CASZ1: variants seen among roughly 807,000 people sequenced by gnomAD.
CASZ1 encodes castor zinc finger 1, also known as zinc finger protein castor homolog 1.
A neutral mutation model predicts 135.2 loss-of-function variants in CASZ1; 28 were observed. That is an observed-to-expected ratio of 0.21 (90% CI 0.15 to 0.28). The LOEUF (loss-of-function observed/expected upper bound fraction) is 0.28, where lower values mean the gene tolerates loss of function less well. CASZ1 is among the 10% of genes least tolerant of loss of function. The probability of loss-of-function intolerance (pLI) is 1.00; values close to 1 mark genes in which losing one functional copy is unlikely to be tolerated. For synonymous variants in CASZ1, 1,068 were observed against 1,073.4 expected (o/e 0.99, Z 0.10); for missense variants, 2,161 against 2,453.3 (o/e 0.88, Z 2.52).
In CASZ1 at chr1:10,777,160, G is replaced by T. The variant is rs1036747402; in HGVS notation, c.-233-16303C>A. ...CACCTGTAAACCAGGACAATAACCT[G>T]TGAGCTGCCTTCTTCACAGGAAGGG... On this transcript the variant is annotated intron_variant, in intron 1 of 20. Transcript: ENST00000377022. This position sits in a 1 kb window ranked among gnomAD's most constrained non-coding sequence, Gnocchi z 4.4. 2.0e-5 allele frequency among the ~76,000 whole-genome samples: 3 copies of T among 152,166 alleles called. No homozygotes were observed. The highest frequency in any genetic ancestry group is 2.9e-5 in the Non-Finnish European group (2 of 68,032).
Position 10,647,734 on chromosome 1 carries a change from C to G in CASZ1, c.3497+67G>C. The G allele has an allele frequency of 6.2e-7, 1 of 1,602,728 alleles. No individual in the cohort carries two copies. Among genetic ancestry groups the G allele is most frequent in the South Asian group, 1.1e-5 (1 of 90,408 alleles). On this transcript the variant is annotated intron_variant, in intron 16 of 20. Transcript: ENST00000377022. This position sits in a 1 kb window ranked among gnomAD's most constrained non-coding sequence, Gnocchi z 4.9. ...CAGTGAGGAACAGGGCCTCCTAGCG[C>G]CCTTGCTAGCACCTACTCCCGAGAC...
At chr1:10,691,391 A>T (rs1482888801) in intron 4 of CASZ1, among the ~76,000 whole-genome samples, 1 of 152,084 alleles carries the variant, frequency 6.6e-6, no homozygotes, top group Non-Finnish European at 1.5e-5. Flanking sequence ...TCCCCTCCTG[A>T]GAAGGCTTGG....
chr1:10,656,870 G>C, intron 7 of CASZ1, 134 bp from the exon 8 acceptor site: 1 of 641,298 alleles, frequency 1.6e-6, no homozygotes, highest in Non-Finnish European at 2.8e-6. Flanking sequence ...CAGAGGCCCA[G>C]GCAAGTGACT....
chr1:10,793,600 T>A (rs2100639653), intron 1 of CASZ1, among the ~76,000 whole-genome samples: 1 of 152,100 alleles, frequency 6.6e-6, no homozygotes, highest in South Asian at 2.1e-4. Flanking sequence ...AATAAATAAC[T>A]AGTCTAATAA....
Position 10,643,210 on chromosome 1 carries a change from G to T in CASZ1, c.3970C>A (p.His1324Asn). The stretch of plus-strand genomic sequence containing the variant: ...TTCTTCCCCAGCATCCTCCGCATGT[G>T]CTTCCGCGCGTGGGAGGTCATCTGG... ...KHQMTSHARK[H>N]MRRMLGKNFD... is the part of the protein sequence containing the mutation. The change falls in exon 19 of 21, where the codon CAC (histidine) becomes AAC (asparagine). Residue 1324 changes from histidine (H) to asparagine (N), a missense_variant. This residue lies in a region of CASZ1 where 349 missense variants were observed against 460.8 expected (regional missense o/e 0.76). Transcript: ENST00000377022. The T allele has an allele frequency of 6.2e-7, 1 of 1,612,698 alleles. No individual in the cohort carries two copies. The highest frequency in any genetic ancestry group is 8.5e-7 in the Non-Finnish European group (1 of 1,180,008).
intron 10 of CASZ1, 74 bp from the exon 11 acceptor site, chr1:10,654,292 G>T (rs938871123): frequency 1.9e-6 from 3 of 1,584,492 alleles, no homozygotes; most frequent in Admixed American, 1.7e-5. Flanking sequence ...CCCTGGGAGG[G>T]ACAGTCCCCC....
At chr1:10,649,641 G>A (rs761454678) in intron 13 of CASZ1, 132 of 593,400 alleles carry the variant, frequency 2.2e-4, no homozygotes, top group Non-Finnish European at 3.2e-4. Context: ...GACCCCAGGA[G>A]CTGCGAGGCC....
At chr1:10,645,112 A>G in intron 17 of CASZ1, 24 bp from the exon 18 acceptor site, 1 of 1,606,152 alleles carries the variant, frequency 6.2e-7, no homozygotes, top group Non-Finnish European at 8.5e-7. Flanking sequence ...CGGGAGGGTC[A>G]GGACAGGCGG....
intron 2 of CASZ1, among the ~76,000 whole-genome samples, chr1:10,714,982 C>A (rs1037340685): frequency 2.0e-5 from 3 of 152,234 alleles, no homozygotes; most frequent in Non-Finnish European, 4.4e-5. Context: ...CCACCTGCCG[C>A]CGCTCAGCCG....
intron 2 of CASZ1, among the ~76,000 whole-genome samples, chr1:10,740,321 T>A (rs534278850): frequency 6.6e-6 from 1 of 152,320 alleles, no homozygotes; most frequent in Non-Finnish European, 1.5e-5. Context: ...GTGAGGAACC[T>A]GAAGCCAGCA....
chr1:10,669,003 G>T (rs1056361092), intron 4 of CASZ1, among the ~76,000 whole-genome samples: 2 of 152,202 alleles, frequency 1.3e-5, no homozygotes, highest in Non-Finnish European at 2.9e-5. Context: ...GGATTCCTAG[G>T]TTCGGGACCT....
At position 10,653,227 on chromosome 1, in the gene CASZ1, C is replaced by G. The variant is rs550271550; in HGVS notation, c.2680+150G>C. 9 of 849,576 alleles carry G rather than the reference C, an allele frequency of 1.1e-5. 1 individual carries two copies. The South Asian group carries it at 1.4e-4, about 13-fold the overall frequency. The allele number at this position is 849,576 out of a possible 1,614,324, so 52.6% of individuals were successfully genotyped here. On this transcript the variant is annotated intron_variant, in intron 11 of 20. Transcript: ENST00000377022. ...CACATAGAAACCAACAGGATGGGGGCGAAGATCAGGCAAAGAGGGGGTGCT... is the reference window on the plus strand; with the variant it reads ...CACATAGAAACCAACAGGATGGGGGGGAAGATCAGGCAAAGAGGGGGTGCT...
intron 4 of CASZ1, among the ~76,000 whole-genome samples, chr1:10,678,313 G>A (rs1638301077): frequency 6.6e-6 from 1 of 152,080 alleles, no homozygotes; most frequent in African/African-American, 2.4e-5. Context: ...TGGAGGGCTT[G>A]AGCAGTTGTC....
rs118019041 is a variant in CASZ1, at chr1:10,788,271, C to T, written c.-234+8293G>A. The stretch of plus-strand genomic sequence containing the variant: ...CACAGAGCAACCTGAGTGCTAGCCC[C>T]GATCCACCTATGGGGTCCCCTGGGT... On this transcript the variant is annotated intron_variant, in intron 1 of 20. Transcript: ENST00000377022. This position sits in a 1 kb window ranked among gnomAD's most constrained non-coding sequence, Gnocchi z 4.1. Among the ~76,000 whole-genome samples, 18 of 152,220 alleles carry T rather than the reference C, an allele frequency of 1.2e-4. 1 individual carries two copies. In the East Asian group the frequency reaches 3.1e-3, roughly 26 times the overall value.
At position 10,646,107 on chromosome 1, in the gene CASZ1, G is replaced by A. The variant is rs766581370; in HGVS notation, c.3696+21C>T. On this transcript the variant is annotated intron_variant, in intron 17 of 20. Coordinates refer to ENST00000377022, the MANE Select transcript of CASZ1 (RefSeq NM_001079843.3). This position sits in a 1 kb window ranked among gnomAD's most constrained non-coding sequence, Gnocchi z 6.4. Reference sequence around the variant, plus strand: ...TCCCTGCCCCCTACTCTGCCCCTGCGCCGTGTACCGCCATGCTGACCTGGT... The same window carrying A: ...TCCCTGCCCCCTACTCTGCCCCTGCACCGTGTACCGCCATGCTGACCTGGT... 1.2e-5 allele frequency: 19 copies of A among 1,612,392 alleles called. No individual in the cohort carries two copies. Among genetic ancestry groups the A allele is most frequent in the South Asian group, 3.3e-5 (3 of 91,000 alleles).
At chr1:10,642,627 G>C (rs576201814) in intron 20 of CASZ1, among the ~76,000 whole-genome samples, 56 of 152,226 alleles carry the variant, frequency 3.7e-4, no homozygotes, top group African/African-American at 1.0e-3. Flanking sequence ...CAGAGAGGAC[G>C]GGCCCAGGGT....
chr1:10,640,144 C>G (rs1010268702), intron 20 of CASZ1, 85 bp from the exon 21 acceptor site: 52 of 1,517,584 alleles, frequency 3.4e-5, no homozygotes, highest in Non-Finnish European at 4.4e-5. Context: ...GACCCCTGAT[C>G]TGGCATGGCG....
At chr1:10,660,770 G>A in intron 5 of CASZ1, 1 of 549,454 alleles carries the variant, frequency 1.8e-6, no homozygotes, top group East Asian at 3.0e-5. Flanking sequence ...TCAATGCCAG[G>A]AAAATCAATT....
rs188653731 is a variant in CASZ1, at chr1:10,740,796, T to A, written c.-77+19905A>T. ...AGACCCTGTGTCTCCACAAAAAAAA[T>A]TTTTTTTTAAAATTAGCTGGTTGCG... On this transcript the variant is annotated intron_variant, in intron 2 of 20. Coordinates refer to ENST00000377022, the MANE Select transcript of CASZ1 (RefSeq NM_001079843.3). 4.0e-3 allele frequency among the ~76,000 whole-genome samples: 611 copies of A among 150,896 alleles called. 1 individual carries two copies. The highest frequency in any genetic ancestry group is 6.2e-3 in the Non-Finnish European group (417 of 67,708).
Sources: allele counts gnomAD v4.1 joint callset (sites outside exome capture counted in the v4.1 genomes callset), GRCh38; gene constraint gnomAD v4.1.1; regional missense constraint gnomAD v4.1.1; non-coding constraint Gnocchi (gnomAD v3.1); transcripts MANE v1.5; gene names NCBI Gene and HGNC (gene_info 2026-07-23, HGNC 2026-07-21).